Variants in GZMA observed in about 807,000 individuals in gnomAD.
GZMA encodes the protein granzyme A, also known as CTL tryptase.
In GZMA, 17 loss-of-function variants were observed where a neutral mutation model predicts 21.1. The observed-to-expected ratio is 0.81, with a 90% CI of 0.55 to 1.21. The LOEUF is 1.21. GZMA is among the 50% of genes most tolerant of loss of function. The probability of loss-of-function intolerance (pLI) is 0.00; values close to 1 mark genes in which losing one functional copy is unlikely to be tolerated. For missense variants in GZMA, 306 were observed against 315.9 expected (o/e 0.97, Z 0.24); for synonymous variants, 90 against 107.8 (o/e 0.83, Z 1.03).
chr5:55,108,324 A>AT lies in GZMA; in HGVS notation c.561dup (p.Asn188Ter), dbSNP rs767710019. 19 of 1,612,998 alleles carry AT rather than the reference A, an allele frequency of 1.2e-5. No homozygotes were observed. The highest frequency in any genetic ancestry group is 1.4e-5 in the Non-Finnish European group (17 of 1,179,122). ...GTCTGCAATGATCGAAATCACTATA[A>AT]TTTTAACCCTGTGATTGGAATGAAT... is the stretch of plus-strand genomic sequence containing the variant. On this transcript the variant is annotated frameshift_variant, in exon 4 of 5. Coordinates refer to ENST00000274306, the MANE Select transcript of GZMA (RefSeq NM_006144.4). LOFTEE classifies it high-confidence loss of function.
intron 1 of GZMA, 30 bp from the exon 2 acceptor site, chr5:55,105,444 C>CGT: frequency 2.0e-6 from 3 of 1,536,762 alleles, no homozygotes; most frequent in Admixed American, 3.7e-5. Flanking sequence ...GGGTGAGCAC[C>CGT]AATCTGATTT....
chr5:55,105,496 A>C lies in GZMA; in HGVS notation c.93A>C (p.Gly31=). The change falls in exon 2 of 5, where the codon GGA becomes GGC. Residue 31 remains glycine (G), a synonymous_variant. Coordinates refer to ENST00000274306, the MANE Select transcript of GZMA (RefSeq NM_006144.4). ...CAGATGTCTGTGAAAAAATTATTGG[A>C]GGAAATGAAGTAACTCCTCATTCAA... ...IPEDVCEKII[G]GNEVTPHSRP... is the part of the protein sequence containing the mutation. The C allele has an allele frequency of 6.2e-7, 1 of 1,612,274 alleles. No individual in the cohort carries two copies.
Position 55,105,482 on chromosome 5 carries a change from G to C in GZMA, c.79G>C (p.Glu27Gln). ...CTTTTTCCATTGAACAGATGTCTGT[G>C]AAAAAATTATTGGAGGAAATGAAGT... ...SLLLIPEDVC[E>Q]KIIGGNEVTP... The change falls in exon 2 of 5, where the codon GAA becomes CAA. Residue 27 changes from glutamate to glutamine, a missense_variant. Glu to Gln is a conservative substitution (Grantham distance 29). Transcript: ENST00000274306. 1 of 1,612,658 alleles carries C rather than the reference G, an allele frequency of 6.2e-7. No individual in the cohort carries two copies. The highest frequency in any genetic ancestry group is 8.5e-7 in the Non-Finnish European group (1 of 1,179,264).
At chr5:55,105,004 A>G (rs1372113544) in intron 1 of GZMA, among the ~76,000 whole-genome samples, 3 of 152,210 alleles carry the variant, frequency 2.0e-5, no homozygotes, top group African/African-American at 4.8e-5. Context: ...AACGATGCTA[A>G]TATCGGTTCA....
chr5:55,106,331 AAAAT>A (rs1742417174), intron 2 of GZMA, among the ~76,000 whole-genome samples: 4 of 146,326 alleles, frequency 2.7e-5, no homozygotes, highest in African/African-American at 1.0e-4. Context: ...AAAATAAAAT[AAAAT>A]AAATAAAATA....
At chr5:55,105,129 T>C (rs954345941) in intron 1 of GZMA, among the ~76,000 whole-genome samples, 6 of 152,166 alleles carry the variant, frequency 3.9e-5, no homozygotes, top group Non-Finnish European at 8.8e-5. Flanking sequence ...GCACTTGAGG[T>C]TGTCACTACC....
Position 55,102,671 on chromosome 5 carries a change from A to G in GZMA, c.-12A>G. 6.3e-7 allele frequency: 1 copy of G among 1,577,672 alleles called. No homozygotes were observed. Among genetic ancestry groups the G allele is most frequent in the Non-Finnish European group, 8.7e-7 (1 of 1,146,900 alleles). ...AGATTTTCAGGTTGATTGATGTGGG[A>G]CAGCAGCCACAATGAGGAACTCCTA... is the stretch of plus-strand genomic sequence containing the variant. On this transcript the variant is annotated 5_prime_UTR_variant, in exon 1 of 5. Coordinates refer to ENST00000274306, the MANE Select transcript of GZMA (RefSeq NM_006144.4).
chr5:55,109,678 A>ATC (rs1742469123), intron 4 of GZMA, among the ~76,000 whole-genome samples: 1 of 152,228 alleles, frequency 6.6e-6, no homozygotes, highest in Admixed American at 6.5e-5. Context: ...TCAATGTATC[A>ATC]TCTGCATTTG....
At chr5:55,109,992 CA>C (rs2111769235) in intron 4 of GZMA, 28 bp from the exon 5 acceptor site, 6 of 1,545,418 alleles carry the variant, frequency 3.9e-6, no homozygotes, top group Non-Finnish European at 5.2e-6. Flanking sequence ...ACACTGACCC[CA>C]CACCCTACCC....
At chr5:55,106,296 T>C (rs200222596) in intron 2 of GZMA, among the ~76,000 whole-genome samples, 19 of 1,272 alleles carry the variant, frequency 0.015, 9 homozygotes, top group East Asian at 0.33. Flanking sequence ...TAAAATAAAA[T>C]AAAATATAAA....
rs189502022 is a variant in GZMA, at chr5:55,104,067, T to C, written c.70+1315T>C. ...ATAAAAATAACAAGGCTGCAGGACA[T>C]TTGGGACAAAGGTTGGCTATGTTAT... On this transcript the variant is annotated intron_variant, in intron 1 of 4. Coordinates refer to ENST00000274306, the MANE Select transcript of GZMA (RefSeq NM_006144.4). Among the ~76,000 whole-genome samples the C allele has an allele frequency of 2.0e-5, 3 of 152,080 alleles. No individual in the cohort carries two copies. In the East Asian group the frequency reaches 5.8e-4, roughly 29 times the overall value.
rs1242615629 is a variant in GZMA, at chr5:55,108,250, T to C, written c.483T>C (p.Ser161=). Residue 161 remains serine, a synonymous_variant, in exon 4 of 5, where the codon TCT becomes TCC. Transcript: ENST00000274306. The part of the protein sequence containing the change: ...AGWGRTHNSA[S]WSDTLREVNI... Reference sequence around the variant, plus strand: ...GGGGCAGGACTCACAATAGTGCATCTTGGTCCGATACTCTGAGAGAAGTCA... The same window carrying C: ...GGGGCAGGACTCACAATAGTGCATCCTGGTCCGATACTCTGAGAGAAGTCA... The C allele has an allele frequency of 1.2e-6, 2 of 1,613,862 alleles. No individual in the cohort carries two copies. Among genetic ancestry groups the C allele is most frequent in the African/African-American group, 2.7e-5 (2 of 74,902 alleles).
At chr5:55,107,253 C>T (rs959172477) in intron 2 of GZMA, among the ~76,000 whole-genome samples, 1 of 152,182 alleles carries the variant, frequency 6.6e-6, no homozygotes, top group African/African-American at 2.4e-5. Flanking sequence ...CTCCTTCAGA[C>T]CACCATCCCT....
At chr5:55,108,758 C>T (rs56990303) in intron 4 of GZMA, among the ~76,000 whole-genome samples, 5,346 of 152,262 alleles carry the variant, frequency 0.035, 362 homozygotes, top group African/African-American at 0.12. Context: ...CCACTCAGTA[C>T]TCTTTCCCCA....
intron 2 of GZMA, 34 bp from the exon 3 acceptor site, chr5:55,107,760 T>C (rs200389236): frequency 9.6e-5 from 153 of 1,588,470 alleles, no homozygotes; most frequent in Non-Finnish European, 1.3e-4. Context: ...ATACAAAGAA[T>C]AAATCCAGTA....
chr5:55,110,128 T>G lies in GZMA; in HGVS notation c.735T>G (p.Leu245=), dbSNP rs762354428. ...GDPRGPGVYI[L]LSKKHLNWII... is the part of the protein sequence containing the mutation. ...CTCGTGGGCCTGGTGTCTATATTCT[T>G]CTCTCAAAGAAACACCTCAACTGGA... The change falls in exon 5 of 5, where the codon CTT becomes CTG. Residue 245 remains leucine, a synonymous_variant. Transcript: ENST00000274306. 2.5e-6 allele frequency: 4 copies of G among 1,611,786 alleles called. No individual in the cohort carries two copies. In the African/African-American group the frequency reaches 5.4e-5, roughly 22 times the overall value.
At chr5:55,106,908 T>G (rs958998762) in intron 2 of GZMA, among the ~76,000 whole-genome samples, 1 of 152,234 alleles carries the variant, frequency 6.6e-6, no homozygotes, top group Non-Finnish European at 1.5e-5. Context: ...AAGTCCTCAG[T>G]AGCCACATGT....
intron 2 of GZMA, among the ~76,000 whole-genome samples, chr5:55,106,873 T>C (rs1216980462): frequency 6.6e-6 from 1 of 152,154 alleles, no homozygotes; most frequent in Non-Finnish European, 1.5e-5. Flanking sequence ...TCAAATTAGT[T>C]CCTCAGTTGC....
intron 2 of GZMA, among the ~76,000 whole-genome samples, 191 bp from the exon 3 acceptor site, chr5:55,107,603 C>T (rs897879333): frequency 5.3e-5 from 8 of 152,228 alleles, no homozygotes; most frequent in Non-Finnish European, 1.2e-4. Context: ...ATGATGATGA[C>T]GATAAATTCA....
Sources: allele counts gnomAD v4.1 joint callset (sites outside exome capture counted in the v4.1 genomes callset), GRCh38; gene constraint gnomAD v4.1.1; transcripts MANE v1.5; gene names NCBI Gene and HGNC (gene_info 2026-07-23, HGNC 2026-07-21).